HCRTR2: variants seen among roughly 807,000 people sequenced by gnomAD.
HCRTR2 encodes orexin receptor type 2.
Under a neutral mutation model 49.0 loss-of-function variants are expected in HCRTR2, and 22 were observed. The observed-to-expected ratio is 0.45, with a 90% CI of 0.32 to 0.64. The LOEUF is 0.64. HCRTR2 is among the 30% of genes least tolerant of loss of function. The pLI is 0.04. For synonymous variants in HCRTR2, 236 were observed against 205.3 expected (o/e 1.15, Z -1.28); for missense variants, 491 against 559.4 (o/e 0.88, Z 1.23).
At chr6:55,153,147 A>G (rs1039677443) in intron 1 of HCRTR2, among the ~76,000 whole-genome samples, 1 of 151,966 alleles carries the variant, frequency 6.6e-6, no homozygotes, top group Non-Finnish European at 1.5e-5. Flanking sequence ...TGTTACCCTC[A>G]GCAAAGAACA....
At chr6:55,115,003 G>A (rs1764096614) in intron 1 of HCRTR2, among the ~76,000 whole-genome samples, 1 of 151,770 alleles carries the variant, frequency 6.6e-6, no homozygotes. Flanking sequence ...AATTAGAAAT[G>A]TGCAAGCTAA....
intron 1 of HCRTR2, among the ~76,000 whole-genome samples, chr6:55,167,077 G>A (rs554105666): frequency 1.3e-5 from 2 of 152,100 alleles, no homozygotes; most frequent in African/African-American, 2.4e-5. Context: ...AGTGCTGATG[G>A]TGACACAACA....
chr6:55,176,186 G>A, intron 1 of HCRTR2, among the ~76,000 whole-genome samples: 1 of 152,230 alleles, frequency 6.6e-6, no homozygotes, highest in Non-Finnish European at 1.5e-5. Flanking sequence ...GTATGTGAAT[G>A]ACAGGAGTTC....
chr6:55,113,918 A>G (rs1411943615), intron 1 of HCRTR2, among the ~76,000 whole-genome samples: 1 of 151,930 alleles, frequency 6.6e-6, no homozygotes, highest in Non-Finnish European at 1.5e-5. Context: ...CCAGCAGTGG[A>G]TAAAGGAAAT....
chr6:55,194,888 A>G (rs1269960382), intron 1 of HCRTR2, among the ~76,000 whole-genome samples: 1 of 113,982 alleles, frequency 8.8e-6, no homozygotes, highest in East Asian at 3.4e-4. Context: ...ATAAAACAAC[A>G]CAATTTTATG....
intron 1 of HCRTR2, among the ~76,000 whole-genome samples, chr6:55,149,941 A>G (rs1473348505): frequency 1.3e-5 from 2 of 151,998 alleles, no homozygotes; most frequent in African/African-American, 4.8e-5. Context: ...AATTCTAATC[A>G]ATGTTTTTTG....
chr6:55,179,773 T>C (rs1765100440), intron 1 of HCRTR2, among the ~76,000 whole-genome samples: 1 of 152,206 alleles, frequency 6.6e-6, no homozygotes, highest in South Asian at 2.1e-4. Context: ...AATTGTATCA[T>C]ATGATTTATA....
At chr6:55,247,015 C>T (rs1365122189) in intron 1 of HCRTR2, among the ~76,000 whole-genome samples, 1 of 151,968 alleles carries the variant, frequency 6.6e-6, no homozygotes, top group East Asian at 1.9e-4. Context: ...TGCGCATTTT[C>T]CTAGATCCAA....
At chr6:55,138,365 C>T (rs1451845533) in intron 1 of HCRTR2, among the ~76,000 whole-genome samples, 1 of 152,096 alleles carries the variant, frequency 6.6e-6, no homozygotes, top group East Asian at 1.9e-4. Flanking sequence ...ATCTGAGATC[C>T]TGCTATTTTA....
At position 55,174,594 on chromosome 6, in the gene HCRTR2, G is replaced by C. The variant is rs376282377; in HGVS notation, c.7G>C (p.Gly3Arg). Residue 3 changes from glycine (G) to arginine (R), a missense_variant, in exon 1 of 7, where the codon GGC (glycine) becomes CGC (arginine). Physicochemically the swap from Gly to Arg is moderately radical, Grantham distance 125. Coordinates refer to ENST00000370862, the MANE Select transcript of HCRTR2 (RefSeq NM_001384272.1). ...AACCGGACTTGAGCCCGTGATGTCC[G>C]GCACCAAATTGGAGGACTCCCCCCC... The part of the protein sequence containing the change: MS[G>R]TKLEDSPPCR... 18 of 1,613,606 alleles carry C rather than the reference G, an allele frequency of 1.1e-5. No individual in the cohort carries two copies. In the Admixed American group the frequency reaches 2.2e-4, roughly 19 times the overall value.
At chr6:55,224,840 A>G (rs1765971403) in intron 1 of HCRTR2, among the ~76,000 whole-genome samples, 1 of 152,146 alleles carries the variant, frequency 6.6e-6, no homozygotes, top group South Asian at 2.1e-4. Flanking sequence ...AATGGTGATT[A>G]TCGGGTGCTG....
chr6:55,245,501 A>C (rs1258354907), intron 1 of HCRTR2, among the ~76,000 whole-genome samples: 2 of 128,842 alleles, frequency 1.6e-5, no homozygotes, highest in Admixed American at 1.6e-4. Context: ...ATATATATAT[A>C]TATATCTTCC....
chr6:55,145,755 C>T (rs1489160457), intron 1 of HCRTR2, among the ~76,000 whole-genome samples: 2 of 151,870 alleles, frequency 1.3e-5, no homozygotes, highest in African/African-American at 4.8e-5. Context: ...ACACTTTCTC[C>T]CCTCACATGA....
At chr6:55,107,790 C>A in intron 1 of HCRTR2, among the ~76,000 whole-genome samples, 1 of 152,182 alleles carries the variant, frequency 6.6e-6, no homozygotes, top group East Asian at 1.9e-4. Context: ...ATTTTTACAA[C>A]CATCTACTCA....
chr6:55,215,193 GA>G (rs1205906352), intron 1 of HCRTR2, among the ~76,000 whole-genome samples: 1 of 152,064 alleles, frequency 6.6e-6, no homozygotes, highest in Non-Finnish European at 1.5e-5. Context: ...AGAAAATAGT[GA>G]CTCATCAGAT....
intron 2 of HCRTR2, among the ~76,000 whole-genome samples, chr6:55,251,257 A>G (rs935963350): frequency 2.6e-5 from 4 of 152,082 alleles, no homozygotes; most frequent in Non-Finnish European, 5.9e-5. Context: ...GCTATAATTT[A>G]TATGTTCTTT....
intron 1 of HCRTR2, among the ~76,000 whole-genome samples, chr6:55,161,405 A>G (rs927426298): frequency 1.5e-4 from 23 of 152,314 alleles, no homozygotes; most frequent in African/African-American, 4.6e-4. Context: ...TCAACACCCT[A>G]ACATCACAAT....
chr6:55,228,871 G>T (rs1252738379), intron 1 of HCRTR2, among the ~76,000 whole-genome samples: 2 of 152,086 alleles, frequency 1.3e-5, no homozygotes, highest in Non-Finnish European at 2.9e-5. Flanking sequence ...TAAACATGTA[G>T]AAATGACTTA....
intron 1 of HCRTR2, among the ~76,000 whole-genome samples, chr6:55,113,540 C>T (rs553716364): frequency 6.1e-4 from 93 of 152,116 alleles, no homozygotes; most frequent in African/African-American, 2.2e-3. Context: ...TGCTCAACAT[C>T]ACTAATTATC....
Sources: gnomAD v4.1 joint callset for allele counts (sites outside exome capture counted in the v4.1 genomes callset) on GRCh38, gnomAD v4.1.1 for gene constraint, MANE v1.5 for transcripts, NCBI Gene and HGNC (gene_info 2026-07-23, HGNC 2026-07-21) for gene names.